Variants in PHKG1 observed in about 807,000 individuals in gnomAD.
The protein encoded by PHKG1 is phosphorylase b kinase gamma catalytic chain, skeletal muscle/heart isoform.
In PHKG1, 48 loss-of-function variants were observed where a neutral mutation model predicts 50.5. The ratio of observed to expected loss-of-function variants is 0.95; its 90% confidence interval spans 0.75 to 1.21. The LOEUF is 1.21. Ranked by LOEUF, PHKG1 falls within the 50% of genes most tolerant of loss-of-function variation. PHKG1 has a pLI of 0.00. For missense variants in PHKG1, 487 were observed against 519.5 expected, an observed-to-expected ratio of 0.94 and a Z score of 0.61; for synonymous variants, 204 against 212.8, an observed-to-expected ratio of 0.96 and a Z score of 0.36.
chr7:56,087,585 G>A lies in PHKG1; in HGVS notation c.262+13C>T. On this transcript the variant is annotated intron_variant, in intron 3 of 9. Coordinates refer to ENST00000297373, the MANE Select transcript of PHKG1 (RefSeq NM_006213.5). ...GGGGGCACCCTGCCGTGTGGCTTGG[G>A]GCCATCACTCACTGATGTTGGGGTG... 1.2e-6 allele frequency: 2 copies of A among 1,610,114 alleles called. No individual in the cohort carries two copies. Among genetic ancestry groups the A allele is most frequent in the South Asian group, 2.2e-5 (2 of 90,960 alleles).
rs377248746 is a variant in PHKG1, at chr7:56,083,453, C to A, written c.384-12G>T. 9.4e-5 allele frequency: 152 copies of A among 1,613,556 alleles called. No homozygotes were observed. Among genetic ancestry groups the A allele is most frequent in the Non-Finnish European group, 1.2e-4 (144 of 1,179,678 alleles). On this transcript the variant is annotated splice_polypyrimidine_tract_variant and intron_variant, in intron 5 of 9. Transcript: ENST00000297373. ...CTCGCATGATCTTTCTAGGGTGGGG[C>A]ACACACTTGTTACTCTTCCTCTGCT...
At chr7:56,086,922 A>C in intron 4 of PHKG1, 48 bp downstream of exon 4, 1 of 1,444,426 alleles carries the variant, frequency 6.9e-7, no homozygotes, top group Non-Finnish European at 9.8e-7. Flanking sequence ...AGGGGACAGC[A>C]GTCGGAGGTT....
intron 1 of PHKG1, among the ~76,000 whole-genome samples, chr7:56,089,472 G>A (rs1195241229): frequency 6.6e-6 from 1 of 150,602 alleles, no homozygotes; most frequent in Non-Finnish European, 1.5e-5. Flanking sequence ...GCAGTGGTAC[G>A]ATTATAGCTC....
intron 1 of PHKG1, among the ~76,000 whole-genome samples, chr7:56,091,516 C>A (rs202128770): frequency 7.6e-5 from 11 of 144,024 alleles, no homozygotes; most frequent in African/African-American, 7.7e-5. Context: ...GACTCCATCT[C>A]AAAAAAAAAA....
In PHKG1 at chr7:56,087,638, C is replaced by T; in HGVS notation, c.222G>A (p.Glu74=). ...CTGAGACCTTGCGCAGGATGTCCAC[C>T]TCCTTCAGCGTGGCTTCTCGCAGCT... ...VRELREATLK[E]VDILRKVSGH... The change falls in exon 3 of 10, where the codon GAG becomes GAA. Residue 74 remains glutamate, a synonymous_variant. Transcript: ENST00000297373. 1 of 1,614,004 alleles carries T rather than the reference C, an allele frequency of 6.2e-7. No homozygotes were observed. Among genetic ancestry groups the T allele is most frequent in the Non-Finnish European group, 8.5e-7 (1 of 1,180,012 alleles).
intron 4 of PHKG1, among the ~76,000 whole-genome samples, chr7:56,083,957 C>T (rs769164315): frequency 1.2e-4 from 18 of 152,138 alleles, no homozygotes; most frequent in South Asian, 4.1e-4. Context: ...ATCAACCCTC[C>T]GAGGAATAGG....
Position 56,082,453 on chromosome 7 carries a change from C to T in PHKG1, c.548-200G>A, listed in dbSNP as rs1346729067. ...ACTAAAAATACAAAAATTAGCTGGG[C>T]GTGGTGGCATGTGCCTGTAGTCCCA... On this transcript the variant is annotated intron_variant, in intron 6 of 9. Coordinates refer to ENST00000297373, the MANE Select transcript of PHKG1 (RefSeq NM_006213.5). Among the ~76,000 whole-genome samples the T allele has an allele frequency of 6.6e-5, 10 of 152,040 alleles. No homozygotes were observed. In the South Asian group the frequency reaches 1.7e-3, roughly 25 times the overall value.
chr7:56,080,639 G>A lies in PHKG1; in HGVS notation c.*415C>T, dbSNP rs2117522675. 1 of 217,986 alleles carries A rather than the reference G, an allele frequency of 4.6e-6. No individual in the cohort carries two copies. Among genetic ancestry groups the A allele is most frequent in the South Asian group, 7.3e-5 (1 of 13,668 alleles). 13.5% of individuals were successfully genotyped at this position (217,986 alleles called of 1,614,324 possible). The stretch of plus-strand genomic sequence containing the variant: ...CCACACTGTCACTGGATGTCATGGG[G>A]CCAATAAAATCTCCTGCAATTGTGT... On this transcript the variant is annotated 3_prime_UTR_variant, in exon 10 of 10. Coordinates refer to ENST00000297373, the MANE Select transcript of PHKG1 (RefSeq NM_006213.5).
At chr7:56,091,047 G>A (rs903990678) in intron 1 of PHKG1, among the ~76,000 whole-genome samples, 6 of 151,718 alleles carry the variant, frequency 4.0e-5, no homozygotes, top group African/African-American at 1.5e-4. Flanking sequence ...CCCCATCTCC[G>A]CAAAAAATAC....
At position 56,083,262 on chromosome 7, in the gene PHKG1, G is replaced by C; in HGVS notation, c.547+16C>G. The C allele has an allele frequency of 1.9e-6, 3 of 1,613,202 alleles. No individual in the cohort carries two copies. The South Asian group carries it at 3.3e-5, about 18-fold the overall frequency. On this transcript the variant is annotated intron_variant, in intron 6 of 9. Transcript: ENST00000297373. ...CACCCGAGGCCTGGACGTGGGCCAA[G>C]GCCATGTTACCAGACCTCGCAGCCT...
At chr7:56,092,030 G>A (rs1417991241) in intron 1 of PHKG1, among the ~76,000 whole-genome samples, 1 of 152,238 alleles carries the variant, frequency 6.6e-6, no homozygotes, top group Non-Finnish European at 1.5e-5. Context: ...AGCCCTCCAT[G>A]AGCAGAAAGT....
Position 56,083,569 on chromosome 7 carries a change from C to T in PHKG1, c.383+81G>A, listed in dbSNP as rs533372210. ...CACGCCCAGCCCAGACATGTGCACG[C>T]CCTGCCTCCCCTGAGACCCCAGTGC... On this transcript the variant is annotated intron_variant, in intron 5 of 9. Coordinates refer to ENST00000297373, the MANE Select transcript of PHKG1 (RefSeq NM_006213.5). 17 of 1,487,282 alleles carry T rather than the reference C, an allele frequency of 1.1e-5. No homozygotes were observed. The African/African-American group carries it at 2.2e-4, about 19-fold the overall frequency. 92.1% of individuals were successfully genotyped at this position (1,487,282 alleles called of 1,614,324 possible). A position where few individuals can be genotyped will look rare whatever the true frequency, so the allele number is the denominator to read the frequency against.
chr7:56,088,272 T>G, intron 2 of PHKG1, among the ~76,000 whole-genome samples: 1 of 151,666 alleles, frequency 6.6e-6, no homozygotes, highest in East Asian at 1.9e-4. Flanking sequence ...TGATCTCAGG[T>G]GATCCTCCTG....
In PHKG1 at chr7:56,087,726, TC is replaced by T; in HGVS notation, c.133del (p.Glu45SerfsTer4). ...GACGTCGATGACCTTCACGGCGTAC[TC>T]CTGGCTCGTGGGCTTGTGGATGCAT... Reference protein sequence around the residue: ...RRCIHKPTSQEYAVKVIDVTG... With the variant: ...RRCIHKPTSQXYAVKVIDVTG... On this transcript the variant is annotated frameshift_variant, in exon 3 of 10. Coordinates refer to ENST00000297373, the MANE Select transcript of PHKG1 (RefSeq NM_006213.5). LOFTEE classifies it high-confidence loss of function. 3 of 1,613,704 alleles carry T rather than the reference TC, an allele frequency of 1.9e-6. No individual in the cohort carries two copies. Among genetic ancestry groups the T allele is most frequent in the Non-Finnish European group, 2.5e-6 (3 of 1,180,018 alleles).
At chr7:56,089,786 A>G (rs58992435) in intron 1 of PHKG1, among the ~76,000 whole-genome samples, 3,745 of 152,194 alleles carry the variant, frequency 0.025, 151 homozygotes, top group African/African-American at 0.086. Flanking sequence ...GGTCTCCCAA[A>G]GTGCTGGGAT....
intron 2 of PHKG1, among the ~76,000 whole-genome samples, chr7:56,088,072 A>T (rs537742951): frequency 9.1e-6 from 1 of 109,862 alleles, no homozygotes; most frequent in Non-Finnish European, 1.7e-5. Flanking sequence ...GTCTCGCTCT[A>T]TTGCCAGGCT....
At chr7:56,087,495 T>G in intron 3 of PHKG1, 103 bp downstream of exon 3, 1 of 1,089,128 alleles carries the variant, frequency 9.2e-7, no homozygotes, top group Admixed American at 2.0e-5. Context: ...TGAGCCTGGG[T>G]GGTTCTAGTT....
Position 56,080,877 on chromosome 7 carries a change from A to G in PHKG1, c.*177T>C, listed in dbSNP as rs1795938299. The G allele has an allele frequency of 4.2e-6, 3 of 716,878 alleles. No individual in the cohort carries two copies. Among genetic ancestry groups the G allele is most frequent in the Non-Finnish European group, 6.8e-6 (3 of 443,052 alleles). 44.4% of individuals were successfully genotyped at this position (716,878 alleles called of 1,614,324 possible). On this transcript the variant is annotated 3_prime_UTR_variant, in exon 10 of 10. Coordinates refer to ENST00000297373, the MANE Select transcript of PHKG1 (RefSeq NM_006213.5). The stretch of plus-strand genomic sequence containing the variant: ...GCAGGTATTGCTGTGTGGTGGGAAC[A>G]CCCACTTCCCTTGTGCACAGCCTTT...
intron 6 of PHKG1, chr7:56,083,059 T>C (rs1452872423): frequency 2.3e-5 from 11 of 472,550 alleles, no homozygotes; most frequent in South Asian, 1.8e-4. Context: ...TGAGCCGAGA[T>C]TGTGCCACTG....
Sources: allele counts gnomAD v4.1 joint callset (sites outside exome capture counted in the v4.1 genomes callset), GRCh38; gene constraint gnomAD v4.1.1; transcripts MANE v1.5; gene names NCBI Gene and HGNC (gene_info 2026-07-23, HGNC 2026-07-21).